GMEB2: variants seen among roughly 807,000 people sequenced by gnomAD.
The protein encoded by GMEB2 is glucocorticoid modulatory element binding protein 2, also known as glucocorticoid modulatory element-binding protein 2.
GMEB2 carries 7 observed loss-of-function variants against 45.7 expected under a neutral mutation model. The ratio of observed to expected loss-of-function variants is 0.15; its 90% CI spans 0.09 to 0.29. GMEB2 has a LOEUF of 0.29. Among genes scored for constraint, GMEB2 ranks in the 10% least tolerant of loss-of-function variants. The probability of loss-of-function intolerance (pLI) is 1.00; values close to 1 mark genes in which losing one functional copy is unlikely to be tolerated. For synonymous variants in GMEB2, 322 were observed against 323.6 expected, an observed-to-expected ratio of 1.00 and a Z score of 0.05; for missense variants, 582 against 739.2, an observed-to-expected ratio of 0.79 and a Z score of 2.47.
intron 2 of GMEB2, among the ~76,000 whole-genome samples, chr20:63,611,105 G>A (rs949577324): frequency 6.6e-6 from 1 of 152,252 alleles, no homozygotes; most frequent in African/African-American, 2.4e-5. Context: ...CTCTGCGGTG[G>A]TTTGTTAGGC....
intron 4 of GMEB2, among the ~76,000 whole-genome samples, chr20:63,602,614 T>G (rs183730679): frequency 1.3e-5 from 2 of 152,360 alleles, no homozygotes; most frequent in East Asian, 3.9e-4. Context: ...CAGGTGAGCC[T>G]GGGCACCTGA....
chr20:63,601,856 G>A (rs957356136), intron 4 of GMEB2, among the ~76,000 whole-genome samples: 5 of 137,628 alleles, frequency 3.6e-5, no homozygotes, highest in South Asian at 2.3e-4. Context: ...TGTGGCTTCC[G>A]TGGGGCCTGT....
rs1330999180 is a variant in GMEB2, at chr20:63,590,153, C to A, written c.1529G>T (p.Gly510Val). 7.0e-6 allele frequency: 11 copies of A among 1,576,432 alleles called. No homozygotes were observed. The highest frequency in any genetic ancestry group is 9.5e-6 in the Non-Finnish European group (11 of 1,158,990). ...IVTVPAGAAP[G>V]PEEHTATIEV... ...AATGGTGGCCGTGTGCTCCTCAGGC[C>A]CGGGGGCAGCCCCTGCGGGCACTGT... The change falls in exon 10 of 10, where the codon GGG becomes GTG. Residue 510 changes from glycine (G) to valine (V), a missense_variant. By Grantham distance (109) the Gly-to-Val change is moderately radical. This residue lies in a region of GMEB2 where 462 missense variants were observed against 586.7 expected (regional missense o/e 0.79). Transcript: ENST00000370077.
chr20:63,623,217 C>T (rs534186277), intron 1 of GMEB2, among the ~76,000 whole-genome samples: 4 of 152,120 alleles, frequency 2.6e-5, no homozygotes, highest in Admixed American at 1.3e-4. Flanking sequence ...CATGATGAGC[C>T]GTTTACTGTC....
rs148937299 is a variant in GMEB2 at position 63,590,315 on chromosome 20, A to C, written c.1367T>G (p.Val456Gly). Residue 456 changes from valine (V) to glycine (G), a missense_variant, in exon 10 of 10, where the codon GTC becomes GGC. Val to Gly is a moderately radical substitution (Grantham distance 109). Transcript: ENST00000370077. ...GTCCTGCACGGCGGCCGTGCTCAGGACCGTGAGGCTGGACGCGTCCGGGTG... is the reference window on the plus strand; with the variant it reads ...GTCCTGCACGGCGGCCGTGCTCAGGCCCGTGAGGCTGGACGCGTCCGGGTG... ...EIHPDASSLT[V>G]LSTAAVQDGS... The C allele has an allele frequency of 6.2e-7, 1 of 1,612,518 alleles. No homozygotes were observed. The highest frequency in any genetic ancestry group is 8.5e-7 in the Non-Finnish European group (1 of 1,179,746).
At chr20:63,591,956 GAGCCCGTGGGCTCCAGGTCCTC>G in intron 9 of GMEB2, 44 bp downstream of exon 9, 2 of 1,434,478 alleles carry the variant, frequency 1.4e-6, no homozygotes, top group Non-Finnish European at 1.9e-6. Context: ...GCCGTGGGGT[GAGCCCGTGGGCTCCAGGTCCTC>G]AGCCTACCGC....
At chr20:63,624,305 T>C (rs977915633) in intron 1 of GMEB2, among the ~76,000 whole-genome samples, 1 of 149,768 alleles carries the variant, frequency 6.7e-6, no homozygotes, top group African/African-American at 2.5e-5. Flanking sequence ...GGCGGGTGCC[T>C]GTAATCCCAC....
At position 63,593,593 on chromosome 20, in the gene GMEB2, T is replaced by C. The variant is rs994001739; in HGVS notation, c.620-511A>G. Among the ~76,000 whole-genome samples, 15 of 152,242 alleles carry C rather than the reference T, an allele frequency of 9.9e-5. No individual in the cohort carries two copies. The highest frequency in any genetic ancestry group is 7.2e-4 in the Admixed American group (11 of 15,284). The stretch of plus-strand genomic sequence containing the variant: ...TTTCTACACCAGAACAAGTGGGGCT[T>C]TGAGAGACAGAAACCGTCCTGGCTC... On this transcript the variant is annotated intron_variant, in intron 6 of 9. Transcript: ENST00000370077. The surrounding 1 kb of genome is among the most constrained non-coding windows in gnomAD (Gnocchi z 4.7).
intron 9 of GMEB2, 36 bp from the exon 10 acceptor site, chr20:63,590,765 G>A (rs560459873): frequency 1.4e-5 from 20 of 1,384,706 alleles, no homozygotes; most frequent in African/African-American, 8.9e-5. Context: ...CACAGGGGAC[G>A]GGGGCATGGA....
intron 2 of GMEB2, among the ~76,000 whole-genome samples, chr20:63,609,996 C>T (rs540456864): frequency 1.0e-3 from 153 of 151,902 alleles, no homozygotes; most frequent in Non-Finnish European, 1.9e-3. Context: ...CCTCTGACTC[C>T]ACCTCCATTT....
At chr20:63,626,445 ATCGCGTCCCTGCGGGTCGGGTGCCTGCG>A (rs2089673512) in intron 1 of GMEB2, among the ~76,000 whole-genome samples, 3 of 11,486 alleles carry the variant, frequency 2.6e-4, no homozygotes, top group Admixed American at 6.6e-4. Flanking sequence ...GCCCCTGGGG[ATCGCGTCCCTGCGGGTCGGGTGCCTGCG>A]GGGTGGTCCT....
At chr20:63,618,836 G>A (rs1358538504) in intron 2 of GMEB2, among the ~76,000 whole-genome samples, 1 of 152,226 alleles carries the variant, frequency 6.6e-6, no homozygotes, top group Admixed American at 6.5e-5. Flanking sequence ...GGCAGTTTGG[G>A]CAAATGTTAG....
At position 63,593,182 on chromosome 20, in the gene GMEB2, C is replaced by T; in HGVS notation, c.620-100G>A. The stretch of plus-strand genomic sequence containing the variant: ...CCTCACACCACCTTCTGAACCTTTC[C>T]ATCTGTCTTCACAAAACTGACAAAC... On this transcript the variant is annotated intron_variant, in intron 6 of 9. Coordinates refer to ENST00000370077, the MANE Select transcript of GMEB2 (RefSeq NM_012384.5). The surrounding 1 kb of genome is among the most constrained non-coding windows in gnomAD (Gnocchi z 4.7). 1.4e-6 allele frequency: 1 copy of T among 722,790 alleles called. No individual in the cohort carries two copies. Among genetic ancestry groups the T allele is most frequent in the Non-Finnish European group, 2.5e-6 (1 of 396,130 alleles). The allele number at this position is 722,790 out of a possible 1,614,324, so 44.8% of individuals were successfully genotyped here.
chr20:63,599,031 G>A (rs1220268927), intron 4 of GMEB2, among the ~76,000 whole-genome samples: 1 of 152,138 alleles, frequency 6.6e-6, no homozygotes, highest in East Asian at 1.9e-4. Context: ...TCCCAGCTAG[G>A]AAGCTACATG....
intron 2 of GMEB2, among the ~76,000 whole-genome samples, chr20:63,609,000 AC>A (rs1569055490): frequency 6.8e-5 from 2 of 29,206 alleles, no homozygotes; most frequent in African/African-American, 2.0e-4. Flanking sequence ...TGCCCCTCTG[AC>A]CCACACCTCC....
intron 4 of GMEB2, among the ~76,000 whole-genome samples, chr20:63,598,974 C>T (rs1196027541): frequency 6.6e-6 from 1 of 152,216 alleles, no homozygotes; most frequent in East Asian, 1.9e-4. Context: ...TGCCTCTTTC[C>T]TTTCTTGCTT....
chr20:63,621,691 A>AT, intron 1 of GMEB2, among the ~76,000 whole-genome samples: 1 of 150,602 alleles, frequency 6.6e-6, no homozygotes, highest in Non-Finnish European at 1.5e-5. Context: ...AAAAAAAAAA[A>AT]AAAAAAGTTT....
At chr20:63,620,632 C>T (rs2089637973) in intron 1 of GMEB2, among the ~76,000 whole-genome samples, 1 of 152,076 alleles carries the variant, frequency 6.6e-6, no homozygotes, top group Admixed American at 6.6e-5. Flanking sequence ...GCCCCAGTGG[C>T]GCATATGGGA....
chr20:63,614,657 G>A (rs533284888), intron 2 of GMEB2, among the ~76,000 whole-genome samples: 2 of 152,230 alleles, frequency 1.3e-5, no homozygotes, highest in South Asian at 2.1e-4. Context: ...CAGTGGTCAC[G>A]CTCCTAGTCC....
Sources: gnomAD v4.1 joint callset for allele counts (sites outside exome capture counted in the v4.1 genomes callset) on GRCh38, gnomAD v4.1.1 for gene constraint, gnomAD v4.1.1 regional missense constraint, Gnocchi (gnomAD v3.1) non-coding constraint, MANE v1.5 for transcripts, NCBI Gene and HGNC (gene_info 2026-07-23, HGNC 2026-07-21) for gene names.